Variants in ZDHHC20 observed in about 807,000 individuals in gnomAD.
ZDHHC20 encodes the protein zDHHC palmitoyltransferase 20, also known as palmitoyltransferase ZDHHC20.
In ZDHHC20, 43 loss-of-function variants were observed where a neutral mutation model predicts 57.8. That is an observed-to-expected ratio of 0.74 (90% CI 0.58 to 0.96). The LOEUF (loss-of-function observed/expected upper bound fraction) is 0.96. Among genes scored for constraint, ZDHHC20 ranks in the 40% least tolerant of loss-of-function variants. The pLI is 0.00. For missense variants in ZDHHC20, 391 were observed against 441.1 expected (o/e 0.89, Z 1.02); for synonymous variants, 157 against 153.0 (o/e 1.03, Z -0.19).
intron 1 of ZDHHC20, among the ~76,000 whole-genome samples, chr13:21,426,445 G>A (rs750019901): frequency 6.6e-6 from 1 of 152,096 alleles, no homozygotes; most frequent in Non-Finnish European, 1.5e-5. Context: ...CCTGCAGTCA[G>A]TGTAACACAC....
chr13:21,374,542 G>C lies in ZDHHC20; in HGVS notation c.*2154C>G, dbSNP rs767412254. On this transcript the variant is annotated 3_prime_UTR_variant, in exon 13 of 13. Coordinates refer to ENST00000400590, the MANE Select transcript of ZDHHC20 (RefSeq NM_001330059.2). ...GAGCCACCACACCCAGCAATAATTGGTATCTCTTAAATCTCATTCTAGTTT... is the reference window on the plus strand; with the variant it reads ...GAGCCACCACACCCAGCAATAATTGCTATCTCTTAAATCTCATTCTAGTTT... The C allele has an allele frequency of 5.0e-6, 2 of 400,754 alleles. No individual in the cohort carries two copies. Among genetic ancestry groups the C allele is most frequent in the South Asian group, 3.6e-5 (2 of 55,678 alleles). The allele number at this position is 400,754 out of a possible 1,614,324, so 24.8% of individuals were successfully genotyped here. A position where few individuals can be genotyped will look rare whatever the true frequency, so the allele number is the denominator to read the frequency against.
At chr13:21,379,777 C>G (rs944449349) in intron 11 of ZDHHC20, among the ~76,000 whole-genome samples, 1 of 151,586 alleles carries the variant, frequency 6.6e-6, no homozygotes. Context: ...TTAAGAGTCA[C>G]CTAGAAAAGG....
At chr13:21,397,373 G>C (rs372803918) in intron 7 of ZDHHC20, among the ~76,000 whole-genome samples, 1 of 151,300 alleles carries the variant, frequency 6.6e-6, no homozygotes, top group African/African-American at 2.4e-5. Flanking sequence ...CAAGAATAAC[G>C]ATTAGTGGCT....
At chr13:21,450,761 T>G (rs982119381) in intron 1 of ZDHHC20, among the ~76,000 whole-genome samples, 1 of 151,756 alleles carries the variant, frequency 6.6e-6, no homozygotes, top group Non-Finnish European at 1.5e-5. Flanking sequence ...AAGGTGGTTT[T>G]TTTTTTTTTT....
chr13:21,436,779 C>G (rs1882594119), intron 1 of ZDHHC20, among the ~76,000 whole-genome samples: 2 of 152,162 alleles, frequency 1.3e-5, no homozygotes, highest in South Asian at 4.1e-4. Flanking sequence ...TTTAGATCAA[C>G]AGCTAGAAAT....
intron 11 of ZDHHC20, among the ~76,000 whole-genome samples, chr13:21,379,048 A>G (rs1478512715): frequency 2.0e-5 from 3 of 152,190 alleles, no homozygotes; most frequent in Non-Finnish European, 4.4e-5. Context: ...ACGGGCCTTA[A>G]TAGTATTGCC....
At chr13:21,452,566 T>G (rs995300729) in intron 1 of ZDHHC20, among the ~76,000 whole-genome samples, 1 of 152,214 alleles carries the variant, frequency 6.6e-6, no homozygotes, top group Non-Finnish European at 1.5e-5. Flanking sequence ...ACATATATTT[T>G]GGGTTTTTTA....
intron 1 of ZDHHC20, among the ~76,000 whole-genome samples, chr13:21,438,236 G>A (rs2137990000): frequency 6.6e-6 from 1 of 152,286 alleles, no homozygotes; most frequent in East Asian, 1.9e-4. Context: ...GGCTATCGAT[G>A]CCACAGTGAT....
In ZDHHC20 at chr13:21,433,667, TTTTG is replaced by T. The variant is rs376018997; in HGVS notation, c.119-7993_119-7990del. Among the ~76,000 whole-genome samples, 163 of 152,260 alleles carry T rather than the reference TTTTG, an allele frequency of 1.1e-3. 1 individual carries two copies. The highest frequency in any genetic ancestry group is 3.4e-3 in the Middle Eastern group (1 of 294). On this transcript the variant is annotated intron_variant, in intron 1 of 12. Coordinates refer to ENST00000400590, the MANE Select transcript of ZDHHC20 (RefSeq NM_001330059.2). ...AAACAAAAATCTGCCTGGTTTTGTT[TTTTG>T]TTTGTTTGTTCTGGGAGATCCAGTG...
chr13:21,392,946 T>C (rs1052176897), intron 7 of ZDHHC20, among the ~76,000 whole-genome samples: 1 of 152,200 alleles, frequency 6.6e-6, no homozygotes, highest in Non-Finnish European at 1.5e-5. Context: ...GTCATGGTAA[T>C]GATGTATTTT....
intron 4 of ZDHHC20, among the ~76,000 whole-genome samples, chr13:21,406,054 T>C (rs1266879235): frequency 6.6e-6 from 1 of 152,220 alleles, no homozygotes; most frequent in Non-Finnish European, 1.5e-5. Context: ...TTCTGATTGC[T>C]GCAGAATGAG....
rs56681468 is a variant in ZDHHC20, at chr13:21,379,825, C to CTTTTTTTTTTTTTTT, written c.1061-1088_1061-1087insAAAAAAAAAAAAAAA. 4.1e-4 allele frequency among the ~76,000 whole-genome samples: 56 copies of CTTTTTTTTTTTTTTT among 137,730 alleles called. 1 individual carries two copies. Among genetic ancestry groups the CTTTTTTTTTTTTTTT allele is most frequent in the East Asian group, 2.8e-3 (13 of 4,566 alleles). 90.4% of individuals were successfully genotyped at this position (137,730 alleles called of 152,430 possible). ...CAGTGTGCTCTTTTTTTTCTTTTTT[C>CTTTTTTTTTTTTTTT]TTTTTTTTTGAGATGGAATCTCGCT... On this transcript the variant is annotated intron_variant, in intron 11 of 12. Transcript: ENST00000400590.
chr13:21,396,676 T>G (rs1045361869), intron 7 of ZDHHC20, among the ~76,000 whole-genome samples: 3 of 151,570 alleles, frequency 2.0e-5, no homozygotes, highest in Non-Finnish European at 4.4e-5. Context: ...CTACTAAAAA[T>G]ACAAAAATTA....
At chr13:21,416,653 G>A (rs937747000) in intron 3 of ZDHHC20, among the ~76,000 whole-genome samples, 12 of 152,150 alleles carry the variant, frequency 7.9e-5, no homozygotes, top group Non-Finnish European at 1.8e-4. Flanking sequence ...GGAGGCAGTG[G>A]GAGATATCAA....
intron 1 of ZDHHC20, among the ~76,000 whole-genome samples, chr13:21,442,717 T>C (rs1264761162): frequency 1.3e-5 from 2 of 151,878 alleles, no homozygotes; most frequent in Non-Finnish European, 2.9e-5. Context: ...ATCACACCAC[T>C]GGACTCCAGC....
At chr13:21,425,711 A>G (rs986203895) in intron 1 of ZDHHC20, 33 bp from the exon 2 acceptor site, 1 of 1,055,142 alleles carries the variant, frequency 9.5e-7, no homozygotes, top group African/African-American at 1.7e-5. Flanking sequence ...GAATAAATAT[A>G]CTTTAAACAT....
chr13:21,459,106 G>A lies in ZDHHC20; in HGVS notation c.66C>T (p.Ile22=), dbSNP rs1885180098. The A allele has an allele frequency of 1.2e-6, 2 of 1,607,202 alleles. No homozygotes were observed. Among genetic ancestry groups the A allele is most frequent in the Admixed American group, 1.7e-5 (1 of 59,420 alleles). Residue 22 remains isoleucine, a synonymous_variant, in exon 1 of 13, where the codon ATC becomes ATT. Coordinates refer to ENST00000400590, the MANE Select transcript of ZDHHC20 (RefSeq NM_001330059.2). The part of the protein sequence containing the change: ...RVVGWVPVLF[I]TFVVVWSYYA... Reference sequence around the variant, plus strand: ...AGTAGGACCAGACGACCACGAAGGTGATGAAGAGCACCGGCACCCAGCCCA... The same window carrying A: ...AGTAGGACCAGACGACCACGAAGGTAATGAAGAGCACCGGCACCCAGCCCA...
chr13:21,426,008 A>ATG (rs1477215840), intron 1 of ZDHHC20, among the ~76,000 whole-genome samples: 1 of 152,222 alleles, frequency 6.6e-6, no homozygotes, highest in Non-Finnish European at 1.5e-5. Flanking sequence ...ACTGTCCTCT[A>ATG]TGACCCCCAT....
chr13:21,420,352 A>G (rs1880511245), intron 3 of ZDHHC20, among the ~76,000 whole-genome samples: 8 of 152,240 alleles, frequency 5.3e-5, no homozygotes. Context: ...ATCTTTACAA[A>G]CATCCTACAG....
Sources: gnomAD v4.1 joint callset for allele counts (sites outside exome capture counted in the v4.1 genomes callset) on GRCh38, gnomAD v4.1.1 for gene constraint, MANE v1.5 for transcripts, NCBI Gene and HGNC (gene_info 2026-07-23, HGNC 2026-07-21) for gene names.